DHRSX: variants seen among roughly 807,000 people sequenced by gnomAD.
DHRSX encodes the protein polyprenol dehydrogenase.
In DHRSX, 31 loss-of-function variants were observed where a neutral mutation model predicts 34.0. The ratio of observed to expected loss-of-function variants is 0.91; its 90% CI spans 0.69 to 1.23. DHRSX has a LOEUF of 1.23. Among genes scored for constraint, DHRSX ranks in the 50% most tolerant of loss-of-function variants. DHRSX has a pLI of 0.00. For missense variants in DHRSX, 414 were observed against 428.1 expected, an observed-to-expected ratio of 0.97 and a Z score of 0.29; for synonymous variants, 201 against 183.8, an observed-to-expected ratio of 1.09 and a Z score of -0.76.
chrX:2,356,310 G>A (rs1369998354), intron 3 of DHRSX, among the ~76,000 whole-genome samples: 2 of 152,150 alleles, frequency 1.3e-5, no homozygotes, highest in East Asian at 1.9e-4. Flanking sequence ...AGGAGGCAGA[G>A]GTTGCAGTGA....
At position 2,484,659 on chromosome X, in the gene DHRSX, A is replaced by C. The variant is rs889829163; in HGVS notation, c.109+16158T>G. Among the ~76,000 whole-genome samples, 5 of 152,112 alleles carry C rather than the reference A, an allele frequency of 3.3e-5. 1 individual carries two copies. Among genetic ancestry groups the C allele is most frequent in the Admixed American group, 1.3e-4 (2 of 15,268 alleles). ...CACCAGGCAGGGGCATGGCGAGTTC[A>C]TTTTATAAAACTCTCAGGTGAGCCC... On this transcript the variant is annotated intron_variant, in intron 1 of 6. Coordinates refer to ENST00000334651, the MANE Select transcript of DHRSX (RefSeq NM_145177.3).
intron 4 of DHRSX, among the ~76,000 whole-genome samples, chrX:2,285,377 A>G (rs1206085832): frequency 1.3e-5 from 2 of 152,118 alleles, no homozygotes; most frequent in Non-Finnish European, 2.9e-5. Context: ...CTTCCCATGC[A>G]CAGATCATCA....
intron 1 of DHRSX, among the ~76,000 whole-genome samples, chrX:2,450,266 AT>A (rs2044198401): frequency 6.6e-6 from 1 of 152,130 alleles, no homozygotes; most frequent in Admixed American, 6.5e-5. Flanking sequence ...TTTTTTCTGA[AT>A]TTCTCAATGC....
intron 3 of DHRSX, among the ~76,000 whole-genome samples, chrX:2,347,256 G>C (rs990032321): frequency 4.4e-4 from 67 of 152,254 alleles, no homozygotes; most frequent in Admixed American, 1.6e-3. Flanking sequence ...CAAGAGAAGA[G>C]AGCATGTGCA....
chrX:2,466,661 G>A (rs762985535), intron 1 of DHRSX, among the ~76,000 whole-genome samples: 3 of 152,134 alleles, frequency 2.0e-5, no homozygotes, highest in South Asian at 2.1e-4. Flanking sequence ...TGAGAGGATC[G>A]AAAAACTACC....
intron 3 of DHRSX, among the ~76,000 whole-genome samples, chrX:2,400,670 T>C (rs2043474567): frequency 6.6e-6 from 1 of 151,884 alleles, no homozygotes. Context: ...GGAGGGTGAG[T>C]ATTCCCAAAA....
chrX:2,461,552 T>A (rs1163018579), intron 1 of DHRSX, among the ~76,000 whole-genome samples: 2 of 152,188 alleles, frequency 1.3e-5, no homozygotes, highest in African/African-American at 4.8e-5. Flanking sequence ...TATTTATTTA[T>A]TTAGAGACAG....
At chrX:2,411,462 T>C (rs1288694348) in intron 2 of DHRSX, among the ~76,000 whole-genome samples, 5 of 150,842 alleles carry the variant, frequency 3.3e-5, no homozygotes, top group African/African-American at 1.2e-4. Context: ...GGCAGGAGAA[T>C]TGCTTGAACC....
chrX:2,221,021 A>C lies in DHRSX; in HGVS notation c.*20T>G. On this transcript the variant is annotated 3_prime_UTR_variant, in exon 7 of 7. Coordinates refer to ENST00000334651, the MANE Select transcript of DHRSX (RefSeq NM_145177.3). ...GGTGCAATGTGTTTCTTGGGGCAGC[A>C]GCTATCCTGAGACAGGATATCACAG... The C allele has an allele frequency of 6.2e-7, 1 of 1,610,776 alleles. No individual in the cohort carries two copies. Among genetic ancestry groups the C allele is most frequent in the Non-Finnish European group, 8.5e-7 (1 of 1,177,816 alleles).
intron 1 of DHRSX, among the ~76,000 whole-genome samples, chrX:2,463,075 A>G (rs1426278776): frequency 2.0e-5 from 3 of 152,182 alleles, no homozygotes; most frequent in East Asian, 1.9e-4. Context: ...TCTATGAACC[A>G]GGGAGTGCAT....
intron 3 of DHRSX, among the ~76,000 whole-genome samples, chrX:2,307,634 G>A (rs1157747402): frequency 2.0e-5 from 3 of 151,638 alleles, no homozygotes; most frequent in Non-Finnish European, 2.9e-5. Flanking sequence ...GCGTGGTGGC[G>A]GGCGCCTGTA....
At chrX:2,376,357 A>G (rs1243241276) in intron 3 of DHRSX, among the ~76,000 whole-genome samples, 4 of 137,580 alleles carry the variant, frequency 2.9e-5, no homozygotes, top group Admixed American at 1.4e-4. Flanking sequence ...GGAAGCCAGC[A>G]TCATTCACAA....
At chrX:2,401,937 C>T (rs2043490797) in intron 3 of DHRSX, among the ~76,000 whole-genome samples, 1 of 152,226 alleles carries the variant, frequency 6.6e-6, no homozygotes, top group Non-Finnish European at 1.5e-5. Context: ...AATTAGCCGT[C>T]CTTCTGTGGG....
chrX:2,231,719 TCTC>T (rs970302054), intron 6 of DHRSX, among the ~76,000 whole-genome samples: 6 of 150,882 alleles, frequency 4.0e-5, no homozygotes, highest in Non-Finnish European at 5.9e-5. Flanking sequence ...CCTCTTTTTT[TCTC>T]CTCCATCTTC....
chrX:2,366,435 A>G (rs190092162), intron 3 of DHRSX, among the ~76,000 whole-genome samples: 1 of 151,734 alleles, frequency 6.6e-6, no homozygotes, highest in African/African-American at 2.4e-5. Context: ...AGCGAAACTC[A>G]GTCTCAAAAA....
chrX:2,329,409 C>G (rs1439487009), intron 3 of DHRSX, among the ~76,000 whole-genome samples: 10 of 152,218 alleles, frequency 6.6e-5, no homozygotes, highest in Non-Finnish European at 1.5e-5. Flanking sequence ...CTCTCCAGCT[C>G]CAGCAGCACT....
At chrX:2,275,335 T>TAAAAAAA (rs1293886106) in intron 4 of DHRSX, among the ~76,000 whole-genome samples, 1 of 50,864 alleles carries the variant, frequency 2.0e-5, no homozygotes, top group African/African-American at 6.9e-5. Flanking sequence ...CCGTCTCTAC[T>TAAAAAAA]AAAAATACAA....
intron 3 of DHRSX, among the ~76,000 whole-genome samples, chrX:2,340,898 G>T (rs961404245): frequency 6.6e-6 from 1 of 152,088 alleles, no homozygotes; most frequent in Non-Finnish European, 1.5e-5. Flanking sequence ...TGTTTTGCAG[G>T]TGGAGAGAAG....
intron 3 of DHRSX, among the ~76,000 whole-genome samples, chrX:2,317,269 T>TTTTTTTTTTTTTA (rs1569487959): frequency 6.0e-5 from 8 of 132,952 alleles, no homozygotes; most frequent in Non-Finnish European, 8.0e-5. Flanking sequence ...TTTTTTTTTT[T>TTTTTTTTTTTTTA]GAGACAGAGT....
Sources: gnomAD v4.1 joint callset for allele counts (sites outside exome capture counted in the v4.1 genomes callset) on GRCh38, gnomAD v4.1.1 for gene constraint, MANE v1.5 for transcripts, NCBI Gene and HGNC (gene_info 2026-07-23, HGNC 2026-07-21) for gene names.